Variants in CIB2 observed in about 807,000 individuals in gnomAD.
The protein encoded by CIB2 is calcium and integrin-binding family member 2.
CIB2 carries 19 observed loss-of-function variants against 23.1 expected under a neutral mutation model. The ratio of observed to expected loss-of-function variants is 0.82; its 90% CI spans 0.57 to 1.21. The LOEUF (loss-of-function observed/expected upper bound fraction) is 1.21. Ranked by LOEUF, CIB2 falls within the 50% of genes most tolerant of loss-of-function variation. The pLI is 0.00. For missense variants in CIB2, 220 were observed against 241.5 expected (o/e 0.91, Z 0.59); for synonymous variants, 94 against 91.7 (o/e 1.03, Z -0.14).
chr15:78,130,833 C>G (rs1375652992), intron 1 of CIB2, among the ~76,000 whole-genome samples: 1 of 152,180 alleles, frequency 6.6e-6, no homozygotes, highest in Non-Finnish European at 1.5e-5. Flanking sequence ...GGTCCTCCGT[C>G]CAGCCTAGTT....
chr15:78,131,219 G>T lies in CIB2; in HGVS notation c.-4C>A. 1 of 1,515,786 alleles carries T rather than the reference G, an allele frequency of 6.6e-7. No homozygotes were observed. The allele number at this position is 1,515,786 out of a possible 1,614,324, so 93.9% of individuals were successfully genotyped here. A position where few individuals can be genotyped will look rare whatever the true frequency, so the allele number is the denominator to read the frequency against. ...AGATGGTCTGCTTGTTCCCCATGGT[G>T]GCCGCCGCGCCGCCGCTCGCCCGCC... On this transcript the variant is annotated 5_prime_UTR_variant, in exon 1 of 6. Transcript: ENST00000258930. This position sits in a 1 kb window ranked among gnomAD's most constrained non-coding sequence, Gnocchi z 5.8.
Position 78,110,985 on chromosome 15 carries a change from C to T in CIB2, c.198+180G>A, listed in dbSNP as rs145609090. Among the ~76,000 whole-genome samples the T allele has an allele frequency of 6.3e-3, 966 of 152,282 alleles. 5 individuals carry two copies. Among genetic ancestry groups the T allele is most frequent in the Non-Finnish European group, 0.01 (688 of 68,016 alleles). On this transcript the variant is annotated intron_variant, in intron 3 of 5. Transcript: ENST00000258930. ...CTGATGTACAGCACCCTTACAGAGC[C>T]CACATAGCTTATTTATTCAGAGTAC...
At chr15:78,105,367 G>T (rs2074050699) in intron 5 of CIB2, 35 bp from the exon 6 acceptor site, 4 of 1,613,590 alleles carry the variant, frequency 2.5e-6, no homozygotes, top group African/African-American at 1.3e-5. Flanking sequence ...AGGGTGAGAG[G>T]CCCTGGGTCG....
Position 78,109,215 on chromosome 15 carries a change from C to A in CIB2, c.346+20G>T, listed in dbSNP as rs770601835. On this transcript the variant is annotated intron_variant, in intron 4 of 5. Transcript: ENST00000258930. ...GTTCCCCCACCGCATATTCAGGCCC[C>A]CTCCTCTAGCCCTGGTTACCATAGA... 7.8e-7 allele frequency: 1 copy of A among 1,281,492 alleles called. No individual in the cohort carries two copies. Among genetic ancestry groups the A allele is most frequent in the South Asian group, 1.2e-5 (1 of 82,766 alleles). The allele number at this position is 1,281,492 out of a possible 1,614,324, so 79.4% of individuals were successfully genotyped here. A position where few individuals can be genotyped will look rare whatever the true frequency, so the allele number is the denominator to read the frequency against.
At chr15:78,124,887 A>G (rs963674963) in intron 1 of CIB2, among the ~76,000 whole-genome samples, 1 of 152,178 alleles carries the variant, frequency 6.6e-6, no homozygotes. Context: ...AGGCCCAAAG[A>G]GAGGACGCCT....
Position 78,125,851 on chromosome 15 carries a change from G to A in CIB2, c.52-2112C>T, listed in dbSNP as rs1027867077. On this transcript the variant is annotated intron_variant, in intron 1 of 5. Transcript: ENST00000258930. ...AATTGTAGAGAAATCCCCAAGGATGGATCCAGGCATTGGCTGTTTTCAAAG... is the reference window on the plus strand; with the variant it reads ...AATTGTAGAGAAATCCCCAAGGATGAATCCAGGCATTGGCTGTTTTCAAAG... Among the ~76,000 whole-genome samples the A allele has an allele frequency of 7.9e-5, 12 of 152,300 alleles. No individual in the cohort carries two copies. In the South Asian group the frequency reaches 2.5e-3, roughly 32 times the overall value.
At chr15:78,106,479 C>A (rs1227940043) in intron 4 of CIB2, among the ~76,000 whole-genome samples, 1 of 152,266 alleles carries the variant, frequency 6.6e-6, no homozygotes, top group Non-Finnish European at 1.5e-5. Flanking sequence ...TCAAAAGACC[C>A]TTAGAGAGGG....
At chr15:78,109,206 T>G (rs1323793630) in intron 4 of CIB2, 29 bp downstream of exon 4, 49 of 818,598 alleles carry the variant, frequency 6.0e-5, no homozygotes, top group Non-Finnish European at 7.3e-5. Context: ...CCACCGCATA[T>G]TCAGGCCCCC....
In CIB2 at chr15:78,131,404, G is replaced by T; in HGVS notation, c.-189C>A. 4.3e-6 allele frequency: 1 copy of T among 231,678 alleles called. No homozygotes were observed. The highest frequency in any genetic ancestry group is 7.6e-6 in the Non-Finnish European group (1 of 132,102). 14.4% of individuals were successfully genotyped at this position (231,678 alleles called of 1,614,324 possible). ...GCGCGGGGGTCTCGGAGGCGGGGAC[G>T]GGAACCCGGAGCGGCAGCGACTCCG... is the stretch of plus-strand genomic sequence containing the variant. On this transcript the variant is annotated 5_prime_UTR_variant, in exon 1 of 6. Coordinates refer to ENST00000258930, the MANE Select transcript of CIB2 (RefSeq NM_006383.4). This position sits in a 1 kb window ranked among gnomAD's most constrained non-coding sequence, Gnocchi z 5.8.
At chr15:78,105,485 G>A (rs1377022015) in intron 5 of CIB2, 153 bp from the exon 6 acceptor site, 16 of 1,515,994 alleles carry the variant, frequency 1.1e-5, no homozygotes, top group African/African-American at 1.4e-5. Context: ...AACACTGGGG[G>A]AAGACGGAGG....
At chr15:78,106,491 C>A (rs1043666640) in intron 4 of CIB2, among the ~76,000 whole-genome samples, 2 of 152,168 alleles carry the variant, frequency 1.3e-5, no homozygotes, top group African/African-American at 4.8e-5. Flanking sequence ...TAGAGAGGGG[C>A]CTGTGCCTGG....
chr15:78,105,577 A>T (rs923643552), intron 5 of CIB2, 162 bp downstream of exon 5: 8 of 1,496,430 alleles, frequency 5.3e-6, no homozygotes, highest in Non-Finnish European at 8.9e-7. Flanking sequence ...GCAGGGGACA[A>T]AGGCCAGTCA....
At position 78,105,098 on chromosome 15, in the gene CIB2, G is replaced by T. The variant is rs1175440915; in HGVS notation, c.*213C>A. The T allele has an allele frequency of 4.8e-6, 3 of 626,098 alleles. No individual in the cohort carries two copies. In the East Asian group the frequency reaches 8.9e-5, roughly 19 times the overall value. The allele number at this position is 626,098 out of a possible 1,614,324, so 38.8% of individuals were successfully genotyped here. ...CCTGGAGAGAGGCCATGGGTCCCGG[G>T]GCTGGACCACAGCGGGGCTGTGGGA... On this transcript the variant is annotated 3_prime_UTR_variant, in exon 6 of 6. Transcript: ENST00000258930.
intron 4 of CIB2, among the ~76,000 whole-genome samples, chr15:78,106,431 G>A (rs1360268826): frequency 6.6e-6 from 1 of 152,218 alleles, no homozygotes; most frequent in African/African-American, 2.4e-5. Flanking sequence ...CCTCAGTGGT[G>A]TGTGACCAGA....
chr15:78,110,766 C>T (rs140210391), intron 3 of CIB2: 3 of 457,596 alleles, frequency 6.6e-6, no homozygotes, highest in African/African-American at 4.0e-5. Flanking sequence ...TTAACAGGTA[C>T]GTTAAAGTCT....
Position 78,104,907 on chromosome 15 carries a change from C to CTTT in CIB2, c.*401_*403dup. On this transcript the variant is annotated 3_prime_UTR_variant, in exon 6 of 6. Transcript: ENST00000258930. This position sits in a 1 kb window ranked among gnomAD's most constrained non-coding sequence, Gnocchi z 4.4. The stretch of plus-strand genomic sequence containing the variant: ...GCATAGCTCGTTAAAACCCTGACCT[C>CTTT]TTTTTTTTTTTTCCGCTCTGTCCTG... The CTTT allele has an allele frequency of 6.0e-6, 1 of 167,190 alleles. No homozygotes were observed. Among genetic ancestry groups the CTTT allele is most frequent in the Non-Finnish European group, 1.3e-5 (1 of 77,950 alleles). 10.4% of individuals were successfully genotyped at this position (167,190 alleles called of 1,614,324 possible).
At chr15:78,107,902 TG>T (rs1333566083) in intron 4 of CIB2, among the ~76,000 whole-genome samples, 1 of 152,198 alleles carries the variant, frequency 6.6e-6, no homozygotes, top group Non-Finnish European at 1.5e-5. Flanking sequence ...CTGGGCGTGG[TG>T]GCTCACACCT....
intron 2 of CIB2, among the ~76,000 whole-genome samples, chr15:78,112,236 T>C (rs1270886029): frequency 1.3e-5 from 2 of 152,046 alleles, no homozygotes; most frequent in African/African-American, 4.8e-5. Context: ...TCCCAGAGAA[T>C]AGCCCCCCAT....
chr15:78,120,916 C>T (rs1234294432), intron 2 of CIB2, among the ~76,000 whole-genome samples: 1 of 152,186 alleles, frequency 6.6e-6, no homozygotes, highest in Non-Finnish European at 1.5e-5. Flanking sequence ...GCTGGATAGC[C>T]TGGCTCTGCA....
Sources: gnomAD v4.1 joint callset for allele counts (sites outside exome capture counted in the v4.1 genomes callset) on GRCh38, gnomAD v4.1.1 for gene constraint, Gnocchi (gnomAD v3.1) non-coding constraint, MANE v1.5 for transcripts, NCBI Gene and HGNC (gene_info 2026-07-23, HGNC 2026-07-21) for gene names.